CEP112: variants seen among roughly 807,000 people sequenced by gnomAD.
The protein encoded by CEP112 is centrosomal protein of 112 kDa.
Under a neutral mutation model 153.0 loss-of-function variants are expected in CEP112, and 127 were observed. That is an observed-to-expected ratio of 0.83 (90% CI 0.72 to 0.96). The LOEUF (loss-of-function observed/expected upper bound fraction) is 0.96, where lower values mean the gene tolerates loss of function less well. Ranked by LOEUF, CEP112 falls within the 40% of genes least tolerant of loss-of-function variation. CEP112 has a pLI of 0.00. For synonymous variants in CEP112, 358 were observed against 374.4 expected (o/e 0.96, Z 0.51); for missense variants, 1,089 against 1,101.2 (o/e 0.99, Z 0.16).
intron 10 of CEP112, among the ~76,000 whole-genome samples, chr17:66,064,596 T>C (rs1015685174): frequency 6.6e-6 from 1 of 152,178 alleles, no homozygotes; most frequent in Non-Finnish European, 1.5e-5. Flanking sequence ...TTCACTCTTA[T>C]ATCTCAACTA....
At chr17:65,972,891 G>A (rs920046378) in intron 17 of CEP112, among the ~76,000 whole-genome samples, 2 of 152,144 alleles carry the variant, frequency 1.3e-5, no homozygotes, top group East Asian at 1.9e-4. Flanking sequence ...TCAGCCTCCC[G>A]AGTAGCTGGG....
chr17:65,738,174 C>T (rs1220803436), intron 23 of CEP112, among the ~76,000 whole-genome samples: 2 of 152,054 alleles, frequency 1.3e-5, no homozygotes, highest in African/African-American at 4.8e-5. Context: ...GGAATGGCGC[C>T]ACTATGGTAA....
chr17:65,772,301 T>C (rs540078235), intron 21 of CEP112, among the ~76,000 whole-genome samples: 24 of 151,922 alleles, frequency 1.6e-4, no homozygotes, highest in Middle Eastern at 3.4e-3. Flanking sequence ...TGGAGAAAAA[T>C]TAATGAAACC....
intron 24 of CEP112, among the ~76,000 whole-genome samples, chr17:65,656,818 T>C (rs1044944406): frequency 4.6e-5 from 7 of 152,166 alleles, no homozygotes; most frequent in Admixed American, 4.6e-4. Context: ...ATACAATAAA[T>C]ATTTGCTGAT....
chr17:65,942,692 G>C (rs1354375210), intron 18 of CEP112, among the ~76,000 whole-genome samples: 1 of 152,134 alleles, frequency 6.6e-6, no homozygotes, highest in Non-Finnish European at 1.5e-5. Flanking sequence ...TAAATGTCCA[G>C]CTCCATCTAC....
intron 4 of CEP112, among the ~76,000 whole-genome samples, chr17:66,150,028 G>A (rs1454157249): frequency 6.7e-6 from 1 of 148,178 alleles, no homozygotes; most frequent in African/African-American, 2.5e-5. Context: ...CGAGTAGCTG[G>A]CACTACGGGC....
intron 6 of CEP112, among the ~76,000 whole-genome samples, chr17:66,127,789 T>C: frequency 6.6e-6 from 1 of 152,258 alleles, no homozygotes; most frequent in East Asian, 1.9e-4. Context: ...GTTTTCAAAC[T>C]CCACTATTTA....
chr17:65,848,090 G>A lies in CEP112; in HGVS notation c.2394+3714C>T, dbSNP rs114628950. Among the ~76,000 whole-genome samples the A allele has an allele frequency of 3.1e-3, 468 of 152,282 alleles. 2 individuals are homozygous for A. The highest frequency in any genetic ancestry group is 0.011 in the African/African-American group (444 of 41,556). ...GATCTCTGATTCTTCACGTCATTAA[G>A]CTGTTCCTCTCCATTAGTCCCTTTG... On this transcript the variant is annotated intron_variant, in intron 21 of 26. Transcript: ENST00000535342.
intron 23 of CEP112, among the ~76,000 whole-genome samples, chr17:65,716,467 A>G (rs186872767): frequency 1.5e-3 from 227 of 152,158 alleles, no homozygotes; most frequent in African/African-American, 4.9e-3. Flanking sequence ...AGCCAGCCCT[A>G]TGCTTTTAAG....
At chr17:65,849,863 A>G (rs897499738) in intron 21 of CEP112, among the ~76,000 whole-genome samples, 1 of 152,150 alleles carries the variant, frequency 6.6e-6, no homozygotes, top group African/African-American at 2.4e-5. Context: ...CCATATAAGA[A>G]TATTTCCTGG....
At chr17:66,174,150 G>C (rs192792141) in intron 4 of CEP112, among the ~76,000 whole-genome samples, 2 of 151,922 alleles carry the variant, frequency 1.3e-5, no homozygotes, top group Non-Finnish European at 2.9e-5. Context: ...GGATGGTCTC[G>C]ATCTCCTGAC....
chr17:65,816,367 G>C (rs575756066), intron 21 of CEP112, among the ~76,000 whole-genome samples: 93 of 151,888 alleles, frequency 6.1e-4, no homozygotes, highest in Non-Finnish European at 1.1e-3. Context: ...GGTGATCTGT[G>C]AGATTCTGGT....
chr17:65,760,906 A>G (rs1490036136), intron 21 of CEP112, among the ~76,000 whole-genome samples: 1 of 152,092 alleles, frequency 6.6e-6, no homozygotes, highest in African/African-American at 2.4e-5. Flanking sequence ...AAGGAGGGTC[A>G]TTAATTATTG....
intron 24 of CEP112, among the ~76,000 whole-genome samples, chr17:65,681,364 C>G (rs1156245856): frequency 6.6e-6 from 1 of 151,930 alleles, no homozygotes; most frequent in Non-Finnish European, 1.5e-5. Context: ...GCTCATGGCC[C>G]TCTTATATCC....
At chr17:65,783,860 T>C (rs1326428986) in intron 21 of CEP112, among the ~76,000 whole-genome samples, 1 of 152,248 alleles carries the variant, frequency 6.6e-6, no homozygotes, top group African/African-American at 2.4e-5. Context: ...TGATCGACTA[T>C]TTCAACTGTT....
Position 66,144,458 on chromosome 17 carries a change from C to T in CEP112, c.471-11695G>A, listed in dbSNP as rs111277243. The stretch of plus-strand genomic sequence containing the variant: ...CTGTAATCCCAGCACTTTGGGAGGC[C>T]GAGGCAGGCAGATCACCTGAGGTCA... On this transcript the variant is annotated intron_variant, in intron 4 of 26. Coordinates refer to ENST00000535342, the MANE Select transcript of CEP112 (RefSeq NM_001199165.4). Among the ~76,000 whole-genome samples the T allele has an allele frequency of 8.6e-3, 1,308 of 152,186 alleles. 17 individuals carry two copies. Among genetic ancestry groups the T allele is most frequent in the African/African-American group, 0.03 (1,239 of 41,522 alleles).
At chr17:66,140,573 G>T (rs2070648119) in intron 4 of CEP112, among the ~76,000 whole-genome samples, 1 of 152,086 alleles carries the variant, frequency 6.6e-6, no homozygotes, top group Non-Finnish European at 1.5e-5. Flanking sequence ...AAAATTTCAG[G>T]ATACAAAACC....
intron 8 of CEP112, among the ~76,000 whole-genome samples, chr17:66,079,922 T>A (rs1339287963): frequency 1.3e-5 from 2 of 152,128 alleles, no homozygotes; most frequent in African/African-American, 4.8e-5. Flanking sequence ...GATTCCCTAT[T>A]TAATAAATGG....
At chr17:65,920,959 A>AT (rs367834351) in intron 19 of CEP112, among the ~76,000 whole-genome samples, 1,773 of 152,014 alleles carry the variant, frequency 0.012, 40 homozygotes, top group African/African-American at 0.041. Context: ...CAGAAAACTC[A>AT]TTTTTTTTAA....
Sources: gnomAD v4.1 joint callset for allele counts (sites outside exome capture counted in the v4.1 genomes callset) on GRCh38, gnomAD v4.1.1 for gene constraint, MANE v1.5 for transcripts, NCBI Gene and HGNC (gene_info 2026-07-23, HGNC 2026-07-21) for gene names.